Variants in ZFYVE28 observed in about 807,000 individuals in gnomAD.
The protein encoded by ZFYVE28 is zinc finger FYVE-type containing 28.
Under a neutral mutation model 82.1 loss-of-function variants are expected in ZFYVE28, and 40 were observed. The observed-to-expected ratio is 0.49, with a 90% CI of 0.38 to 0.63. The LOEUF (loss-of-function observed/expected upper bound fraction) is 0.63, where lower values mean the gene tolerates loss of function less well. Ranked by LOEUF, ZFYVE28 falls within the 30% of genes least tolerant of loss-of-function variation. The pLI is 0.00. For synonymous variants in ZFYVE28, 612 were observed against 546.1 expected, an observed-to-expected ratio of 1.12 and a Z score of -1.68; for missense variants, 1,321 against 1,242.1, an observed-to-expected ratio of 1.06 and a Z score of -0.96.
chr4:2,272,505 A>C (rs1736000307), intron 10 of ZFYVE28, among the ~76,000 whole-genome samples: 1 of 152,046 alleles, frequency 6.6e-6, no homozygotes, highest in African/African-American at 2.4e-5. Context: ...TGTGAGTGGG[A>C]GCGTATGTGC....
At chr4:2,406,377 A>T (rs1731918131) in intron 1 of ZFYVE28, among the ~76,000 whole-genome samples, 1 of 151,956 alleles carries the variant, frequency 6.6e-6, no homozygotes, top group African/African-American at 2.4e-5. Context: ...GTCTCAAAAA[A>T]AAACAAAACA....
intron 1 of ZFYVE28, among the ~76,000 whole-genome samples, chr4:2,391,311 C>T (rs1318968486): frequency 1.3e-5 from 2 of 152,188 alleles, no homozygotes; most frequent in Non-Finnish European, 2.9e-5. Flanking sequence ...TCTCCCAACC[C>T]GCGCTCATGT....
intron 2 of ZFYVE28, among the ~76,000 whole-genome samples, chr4:2,351,160 G>A (rs1578207853): frequency 6.6e-6 from 1 of 152,002 alleles, no homozygotes; most frequent in Non-Finnish European, 1.5e-5. Flanking sequence ...GGGTTCTGAG[G>A]TCACTCCGGG....
intron 8 of ZFYVE28, among the ~76,000 whole-genome samples, chr4:2,303,265 C>T (rs551515520): frequency 2.3e-3 from 347 of 152,304 alleles, no homozygotes; most frequent in Non-Finnish European, 3.8e-3. Flanking sequence ...GGACCGAGCA[C>T]GGGAAGAAGG....
chr4:2,395,226 T>TGAGCCTCAGGAAGGCACG (rs1730311088), intron 1 of ZFYVE28, among the ~76,000 whole-genome samples: 1 of 152,240 alleles, frequency 6.6e-6, no homozygotes, highest in Non-Finnish European at 1.5e-5. Context: ...GTGAGGGCAC[T>TGAGCCTCAGGAAGGCACG]GAGCCTCAGG....
At position 2,274,177 on chromosome 4, in the gene ZFYVE28, C is replaced by A. The variant is rs747567438; in HGVS notation, c.2091G>T (p.Gly697=). Reference sequence around the variant, plus strand: ...GCGTGGCTGCTGGGGCCGCCTCTGGCCCCATCTTGTCTGAGGAGCAGGACC... The same window carrying A: ...GCGTGGCTGCTGGGGCCGCCTCTGGACCCATCTTGTCTGAGGAGCAGGACC... The part of the protein sequence containing the change: ...TAGSCSSDKM[G]PEAAPAATHA... Residue 697 remains glycine (G), a synonymous_variant, in exon 9 of 13, where the codon GGG becomes GGT. Transcript: ENST00000290974. 4 of 1,613,726 alleles carry A rather than the reference C, an allele frequency of 2.5e-6. No homozygotes were observed.
At chr4:2,285,902 C>T (rs1351253330) in intron 8 of ZFYVE28, 1 of 152,504 alleles carries the variant, frequency 6.6e-6, no homozygotes, top group Non-Finnish European at 1.5e-5. Context: ...GTCCGCAGGT[C>T]TCTCCTGGAT....
intron 1 of ZFYVE28, among the ~76,000 whole-genome samples, chr4:2,387,837 G>A (rs1416343481): frequency 2.0e-5 from 3 of 152,256 alleles, no homozygotes; most frequent in African/African-American, 7.2e-5. Flanking sequence ...TACCCGATAA[G>A]GAATTGGGAA....
At chr4:2,348,423 G>A (rs1723890873) in intron 2 of ZFYVE28, among the ~76,000 whole-genome samples, 1 of 152,122 alleles carries the variant, frequency 6.6e-6, no homozygotes, top group Non-Finnish European at 1.5e-5. Context: ...AACTGAAGAG[G>A]ACAGAATCCT....
At chr4:2,325,346 T>C (rs1017230382) in intron 6 of ZFYVE28, among the ~76,000 whole-genome samples, 5 of 152,204 alleles carry the variant, frequency 3.3e-5, no homozygotes, top group African/African-American at 9.6e-5. Flanking sequence ...AACCACTTTC[T>C]TCCAGATTCA....
chr4:2,304,370 C>T lies in ZFYVE28; in HGVS notation c.1970G>A (p.Gly657Asp). 6.2e-7 allele frequency: 1 copy of T among 1,611,236 alleles called. No homozygotes were observed. The highest frequency in any genetic ancestry group is 8.5e-7 in the Non-Finnish European group (1 of 1,179,964). ...CTCTCTGGCCTCTGGCTCCTGCTGA[C>T]CTGCAACCCCAGCCTCTCCTTGCAG... Reference protein sequence around the residue: ...SGLQGEAGVAGQQEPEARELH... With the variant: ...SGLQGEAGVADQQEPEARELH... The change falls in exon 8 of 13, where the codon GGT becomes GAT. Residue 657 changes from glycine (G) to aspartate (D), a missense_variant. Transcript: ENST00000290974.
intron 1 of ZFYVE28, among the ~76,000 whole-genome samples, chr4:2,401,833 G>T (rs557754257): frequency 6.6e-6 from 1 of 152,164 alleles, no homozygotes; most frequent in African/African-American, 2.4e-5. Context: ...CAGTGGTAGC[G>T]GGGGTCCCGG....
At chr4:2,337,317 T>C in intron 5 of ZFYVE28, 90 bp downstream of exon 5, 2 of 1,145,048 alleles carry the variant, frequency 1.7e-6, no homozygotes, top group Admixed American at 2.5e-5. Flanking sequence ...ACACAGCAGG[T>C]TCCCCCAGAG....
At chr4:2,402,620 C>T (rs528881386) in intron 1 of ZFYVE28, among the ~76,000 whole-genome samples, 3 of 152,278 alleles carry the variant, frequency 2.0e-5, no homozygotes, top group Admixed American at 2.0e-4. Context: ...CAGCAGAGAG[C>T]GGGCAGGGAA....
chr4:2,400,325 C>A (rs1422554452), intron 1 of ZFYVE28, among the ~76,000 whole-genome samples: 1 of 152,206 alleles, frequency 6.6e-6, no homozygotes, highest in Non-Finnish European at 1.5e-5. Flanking sequence ...GACACGCACA[C>A]ACATTTCATC....
intron 1 of ZFYVE28, among the ~76,000 whole-genome samples, chr4:2,412,582 G>A (rs187612470): frequency 1.1e-4 from 17 of 151,988 alleles, no homozygotes; most frequent in African/African-American, 4.1e-4. Context: ...GAAAACACTG[G>A]GGAAGCACTG....
chr4:2,335,867 A>G lies in ZFYVE28; in HGVS notation c.612-73T>C. Reference sequence around the variant, plus strand: ...AGCCACAGGTTGGACCCCAGCAGGGACAGGCAGTGCGCTCAATCTGTACCT... The same window carrying G: ...AGCCACAGGTTGGACCCCAGCAGGGGCAGGCAGTGCGCTCAATCTGTACCT... On this transcript the variant is annotated intron_variant, in intron 5 of 12. Transcript: ENST00000290974. The surrounding 1 kb of genome is among the most constrained non-coding windows in gnomAD (Gnocchi z 5.8). 7.5e-7 allele frequency: 1 copy of G among 1,331,724 alleles called. No individual in the cohort carries two copies. Among genetic ancestry groups the G allele is most frequent in the Non-Finnish European group, 1.0e-6 (1 of 952,380 alleles). 82.5% of individuals were successfully genotyped at this position (1,331,724 alleles called of 1,614,324 possible).
At chr4:2,392,744 C>G (rs1042452670) in intron 1 of ZFYVE28, among the ~76,000 whole-genome samples, 2 of 152,154 alleles carry the variant, frequency 1.3e-5, no homozygotes, top group African/African-American at 4.8e-5. Flanking sequence ...GAAAAGTTAT[C>G]AAAGGAAACA....
rs1732272402 is a variant in ZFYVE28, at chr4:2,409,386, G to A, written c.39+8899C>T. Among the ~76,000 whole-genome samples, 2 of 152,102 alleles carry A rather than the reference G, an allele frequency of 1.3e-5. No homozygotes were observed. Among genetic ancestry groups the A allele is most frequent in the South Asian group, 4.1e-4 (2 of 4,826 alleles). ...GCCTGGAAGGACCCCGCAAACAGCA[G>A]TGCTGACCCCATCATGCCCCCACCT... On this transcript the variant is annotated intron_variant, in intron 1 of 12. Transcript: ENST00000290974. This position sits in a 1 kb window ranked among gnomAD's most constrained non-coding sequence, Gnocchi z 4.4.
Sources: allele counts gnomAD v4.1 joint callset (sites outside exome capture counted in the v4.1 genomes callset), GRCh38; gene constraint gnomAD v4.1.1; non-coding constraint Gnocchi (gnomAD v3.1); transcripts MANE v1.5; gene names NCBI Gene and HGNC (gene_info 2026-07-23, HGNC 2026-07-21).